The following ARFGEF3 variants were observed in gnomAD, a reference collection of about 807,000 sequenced individuals.
ARFGEF3 encodes the protein brefeldin A-inhibited guanine nucleotide-exchange protein 3.
In ARFGEF3, 96 loss-of-function variants were observed where a neutral mutation model predicts 221.7. The ratio of observed to expected loss-of-function variants is 0.43; its 90% CI spans 0.37 to 0.51. The LOEUF is 0.51. Ranked by LOEUF, ARFGEF3 falls within the 20% of genes least tolerant of loss-of-function variation. ARFGEF3 has a pLI of 0.00. For missense variants in ARFGEF3, 2,410 were observed against 2,789.9 expected (o/e 0.86, Z 3.07); for synonymous variants, 1,145 against 1,126.8 (o/e 1.02, Z -0.32).
intron 12 of ARFGEF3, among the ~76,000 whole-genome samples, chr6:138,268,122 CTG>C (rs1778930782): frequency 6.6e-6 from 1 of 152,184 alleles, no homozygotes; most frequent in African/African-American, 2.4e-5. Flanking sequence ...GTATCCATCT[CTG>C]GACTGAGGCA....
intron 12 of ARFGEF3, among the ~76,000 whole-genome samples, chr6:138,264,343 A>G (rs1778847331): frequency 6.6e-6 from 1 of 152,226 alleles, no homozygotes. Flanking sequence ...TTCTTGAAAG[A>G]TAATACAGAA....
Position 138,291,698 on chromosome 6 carries a change from A to G in ARFGEF3, c.3048-35A>G, listed in dbSNP as rs1779406492. ...TTATGGAGCTGCCGGGGTGAGCTGC[A>G]GCGCCTAACAGCTGCTTGTCTGTGC... On this transcript the variant is annotated intron_variant, in intron 18 of 33. Coordinates refer to ENST00000251691, the MANE Select transcript of ARFGEF3 (RefSeq NM_020340.5). This position sits in a 1 kb window ranked among gnomAD's most constrained non-coding sequence, Gnocchi z 4.5. The G allele has an allele frequency of 1.5e-6, 2 of 1,293,042 alleles. No homozygotes were observed. Among genetic ancestry groups the G allele is most frequent in the Non-Finnish European group, 2.0e-6 (2 of 1,009,546 alleles). The allele number at this position is 1,293,042 out of a possible 1,614,324, so 80.1% of individuals were successfully genotyped here. A position where few individuals can be genotyped will look rare whatever the true frequency, so the allele number is the denominator to read the frequency against.
At chr6:138,181,311 A>G (rs1371995764) in intron 2 of ARFGEF3, among the ~76,000 whole-genome samples, 1 of 152,224 alleles carries the variant, frequency 6.6e-6, no homozygotes, top group Non-Finnish European at 1.5e-5. Flanking sequence ...GAAACAAGCC[A>G]TGGCCACTCA....
chr6:138,276,214 G>T (rs1339723544), intron 12 of ARFGEF3, among the ~76,000 whole-genome samples: 1 of 152,224 alleles, frequency 6.6e-6, no homozygotes, highest in African/African-American at 2.4e-5. Flanking sequence ...GGGCTGCAAA[G>T]CTGCGAGCTG....
Position 138,341,793 on chromosome 6 carries a change from A to G in ARFGEF3, c.*5307A>G, listed in dbSNP as rs911257185. ...ACAGAACACCCTTTAGATTTCCAAA[A>G]CACAATTCTTATTTCAGGGAAGACA... is the stretch of plus-strand genomic sequence containing the variant. On this transcript the variant is annotated 3_prime_UTR_variant, in exon 34 of 34. Coordinates refer to ENST00000251691, the MANE Select transcript of ARFGEF3 (RefSeq NM_020340.5). 1.3e-5 allele frequency: 2 copies of G among 152,204 alleles called. No individual in the cohort carries two copies. The highest frequency in any genetic ancestry group is 4.8e-5 in the African/African-American group (2 of 41,428). 9.4% of individuals were successfully genotyped at this position (152,204 alleles called of 1,614,324 possible). A position where few individuals can be genotyped will look rare whatever the true frequency, so the allele number is the denominator to read the frequency against.
chr6:138,288,296 A>G (rs1779333152), intron 17 of ARFGEF3, among the ~76,000 whole-genome samples: 1 of 152,214 alleles, frequency 6.6e-6, no homozygotes, highest in South Asian at 2.1e-4. Flanking sequence ...AGGTGGGAGG[A>G]TCACCTGAGC....
At chr6:138,265,484 C>G (rs891175433) in intron 12 of ARFGEF3, among the ~76,000 whole-genome samples, 1 of 152,026 alleles carries the variant, frequency 6.6e-6, no homozygotes, top group African/African-American at 2.4e-5. Context: ...ACAAAATTCA[C>G]GTTTTATTGG....
intron 12 of ARFGEF3, among the ~76,000 whole-genome samples, chr6:138,269,840 A>G (rs1311358760): frequency 6.6e-6 from 1 of 152,106 alleles, no homozygotes; most frequent in Admixed American, 6.6e-5. Context: ...CAATATTACT[A>G]CAAAAGGAAA....
At chr6:138,192,575 A>G (rs530994360) in intron 2 of ARFGEF3, among the ~76,000 whole-genome samples, 3 of 152,318 alleles carry the variant, frequency 2.0e-5, no homozygotes, top group African/African-American at 7.2e-5. Flanking sequence ...AAGTGTGTGC[A>G]TCCCTAGGCC....
rs369950474 is a variant in ARFGEF3 at position 138,334,187 on chromosome 6, G to A, written c.5341G>A (p.Ala1781Thr). Residue 1781 changes from alanine to threonine, a missense_variant, in exon 33 of 34, where the codon GCC becomes ACC. By Grantham distance (58) the Ala-to-Thr change is moderately conservative (BLOSUM62 0). Coordinates refer to ENST00000251691, the MANE Select transcript of ARFGEF3 (RefSeq NM_020340.5). The surrounding 1 kb of genome is among the most constrained non-coding windows in gnomAD (Gnocchi z 5.1). ...FDLLLDSYRTAREFDTSPGLK... is the reference protein window; with the variant it reads ...FDLLLDSYRTTREFDTSPGLK... ...CCTGCTGCTGGACTCTTATAGGACT[G>A]CCAGGGAGTTTGACACCAGCCCCGG... 1.2e-6 allele frequency: 2 copies of A among 1,613,904 alleles called. No homozygotes were observed. Among genetic ancestry groups the A allele is most frequent in the African/African-American group, 1.3e-5 (1 of 75,058 alleles).
chr6:138,334,561 C>G lies in ARFGEF3; in HGVS notation c.5715C>G (p.His1905Gln), dbSNP rs747087287. Residue 1905 changes from histidine (H) to glutamine (Q), a missense_variant, in exon 33 of 34, where the codon CAC becomes CAG. Transcript: ENST00000251691. This position sits in a 1 kb window ranked among gnomAD's most constrained non-coding sequence, Gnocchi z 5.1. ...GGGTGTGGCTGGTCAAGAGGCTGCA[C>G]AAGCTGTGCATGGAACTGTGCAACA... ...ADWVWLVKRL[H>Q]KLCMELCNNY... 2 of 1,613,542 alleles carry G rather than the reference C, an allele frequency of 1.2e-6. No homozygotes were observed. Among genetic ancestry groups the G allele is most frequent in the African/African-American group, 2.7e-5 (2 of 74,904 alleles).
chr6:138,329,025 C>G (rs1321618528), intron 32 of ARFGEF3, among the ~76,000 whole-genome samples: 1 of 151,834 alleles, frequency 6.6e-6, no homozygotes, highest in Non-Finnish European at 1.5e-5. Flanking sequence ...TAAATTGAGG[C>G]ATGGTTCTGA....
intron 6 of ARFGEF3, among the ~76,000 whole-genome samples, chr6:138,239,997 G>A (rs1562364499): frequency 6.6e-6 from 1 of 152,228 alleles, no homozygotes; most frequent in East Asian, 1.9e-4. Context: ...GGCAGCCAGT[G>A]TTGAAAACAA....
chr6:138,296,776 G>T (rs1451098678), intron 20 of ARFGEF3, 34 bp from the exon 21 acceptor site: 4 of 1,606,044 alleles, frequency 2.5e-6, no homozygotes, highest in Non-Finnish European at 3.4e-6. Context: ...CTGAGTTTTG[G>T]CTTTCTGGCA....
At chr6:138,269,662 G>T (rs1778962413) in intron 12 of ARFGEF3, among the ~76,000 whole-genome samples, 2 of 152,140 alleles carry the variant, frequency 1.3e-5, no homozygotes, top group South Asian at 4.2e-4. Context: ...TACAAAATTA[G>T]CCGGGCATGG....
chr6:138,184,978 C>T (rs779066805), intron 2 of ARFGEF3, among the ~76,000 whole-genome samples: 9 of 152,166 alleles, frequency 5.9e-5, no homozygotes, highest in East Asian at 3.8e-4. Context: ...TTCTCTAGGC[C>T]TTCCATTATT....
At chr6:138,335,227 G>A (rs1276870063) in intron 33 of ARFGEF3, 39 bp downstream of exon 33, 1 of 1,492,972 alleles carries the variant, frequency 6.7e-7, no homozygotes, top group Non-Finnish European at 8.8e-7. Context: ...CGGGAGGCTG[G>A]GTTTCCAGTA....
chr6:138,320,534 C>T (rs796168864), intron 28 of ARFGEF3, among the ~76,000 whole-genome samples: 30 of 152,258 alleles, frequency 2.0e-4, no homozygotes, highest in African/African-American at 7.0e-4. Context: ...CTGCTACCCA[C>T]AGAGCTTATA....
intron 14 of ARFGEF3, 97 bp downstream of exon 14, chr6:138,280,261 C>G: frequency 8.2e-7 from 1 of 1,216,184 alleles, no homozygotes; most frequent in African/African-American, 1.5e-5. Context: ...TTGGAGCAGA[C>G]TTTGAAACAG....
Sources: gnomAD v4.1 joint callset for allele counts (sites outside exome capture counted in the v4.1 genomes callset) on GRCh38, gnomAD v4.1.1 for gene constraint, Gnocchi (gnomAD v3.1) non-coding constraint, MANE v1.5 for transcripts, NCBI Gene and HGNC (gene_info 2026-07-23, HGNC 2026-07-21) for gene names.